CDYL: variants seen among roughly 807,000 people sequenced by gnomAD.
The protein encoded by CDYL is chromodomain Y like, also known as chromodomain Y-like protein.
Under a neutral mutation model 47.3 loss-of-function variants are expected in CDYL, and 8 were observed. That is an observed-to-expected ratio of 0.17 (90% CI 0.10 to 0.31). The LOEUF (loss-of-function observed/expected upper bound fraction) is 0.31, where lower values mean the gene tolerates loss of function less well. Among genes scored for constraint, CDYL ranks in the 10% least tolerant of loss-of-function variants. The probability of loss-of-function intolerance (pLI) is 1.00; values close to 1 mark genes in which losing one functional copy is unlikely to be tolerated. For missense variants in CDYL, 471 were observed against 701.4 expected, an observed-to-expected ratio of 0.67 and a Z score of 3.71; for synonymous variants, 266 against 265.0, an observed-to-expected ratio of 1.00 and a Z score of -0.04.
At chr6:4,895,807 A>G (rs1762265924) in intron 2 of CDYL, among the ~76,000 whole-genome samples, 1 of 152,220 alleles carries the variant, frequency 6.6e-6, no homozygotes, top group Non-Finnish European at 1.5e-5. Context: ...TATATTTCTT[A>G]TATAAGGAAG....
chr6:4,807,949 T>C (rs1455570280), intron 1 of CDYL, among the ~76,000 whole-genome samples: 1 of 152,124 alleles, frequency 6.6e-6, no homozygotes, highest in Non-Finnish European at 1.5e-5. Flanking sequence ...TAACTCTATG[T>C]ATTATAATCC....
intron 1 of CDYL, among the ~76,000 whole-genome samples, chr6:4,824,445 A>C (rs1648874265): frequency 2.0e-5 from 3 of 152,142 alleles, no homozygotes; most frequent in African/African-American, 7.2e-5. Flanking sequence ...GTAGTATTTC[A>C]TTGTGATTTT....
At chr6:4,788,266 G>A (rs1257433799) in intron 1 of CDYL, among the ~76,000 whole-genome samples, 2 of 151,756 alleles carry the variant, frequency 1.3e-5, no homozygotes, top group Non-Finnish European at 2.9e-5. Context: ...AAGGCAGGAG[G>A]ATCACTTGAG....
chr6:4,845,307 CA>C (rs1478375736), intron 1 of CDYL, among the ~76,000 whole-genome samples: 1 of 152,122 alleles, frequency 6.6e-6, no homozygotes. Flanking sequence ...CAAAACAAAA[CA>C]AAAGGTTCCA....
chr6:4,851,490 G>A (rs914906318), intron 1 of CDYL, among the ~76,000 whole-genome samples: 1 of 152,134 alleles, frequency 6.6e-6, no homozygotes, highest in Non-Finnish European at 1.5e-5. Flanking sequence ...CGACATCTGG[G>A]ACAGCTCCTC....
upstream of CDYL, among the ~76,000 whole-genome samples, chr6:4,772,450 A>G (rs913956721): frequency 6.6e-6 from 1 of 152,240 alleles, no homozygotes; most frequent in Non-Finnish European, 1.5e-5. Context: ...AGAAAAAGGT[A>G]CTGGTATCCA....
chr6:4,922,383 A>G (rs558365471), intron 2 of CDYL, among the ~76,000 whole-genome samples: 1 of 152,350 alleles, frequency 6.6e-6, no homozygotes, highest in East Asian at 1.9e-4. Flanking sequence ...ATGCATGGGC[A>G]ATGAATCCTG....
chr6:4,788,061 C>G (rs1005544218), intron 1 of CDYL, among the ~76,000 whole-genome samples: 2 of 151,888 alleles, frequency 1.3e-5, no homozygotes, highest in Admixed American at 6.6e-5. Context: ...TGTGAGCCAC[C>G]GCACCTGGTC....
intron 1 of CDYL, among the ~76,000 whole-genome samples, chr6:4,835,008 C>G (rs1252567162): frequency 1.3e-5 from 2 of 151,998 alleles, no homozygotes; most frequent in Non-Finnish European, 2.9e-5. Flanking sequence ...ACTTCTTTGC[C>G]TTTGGTTTGA....
At chr6:4,762,743 G>A (rs1418775507) in intron 3 of CDYL, among the ~76,000 whole-genome samples, 3 of 148,206 alleles carry the variant, frequency 2.0e-5, no homozygotes, top group Non-Finnish European at 4.5e-5. Flanking sequence ...AAAGTACCCA[G>A]AATGTAGTAG....
intron 3 of CDYL, among the ~76,000 whole-genome samples, chr6:4,746,268 A>G (rs1203406870): frequency 1.3e-5 from 2 of 151,616 alleles, no homozygotes; most frequent in African/African-American, 4.8e-5. Context: ...GGTGGCTGAG[A>G]CAGGAGAATC....
chr6:4,791,197 A>T (rs940670154), intron 1 of CDYL, among the ~76,000 whole-genome samples: 1 of 152,208 alleles, frequency 6.6e-6, no homozygotes, highest in African/African-American at 2.4e-5. Flanking sequence ...TTTGTCATCA[A>T]TACCACTGTT....
At chr6:4,863,972 T>C (rs1344218435) in intron 1 of CDYL, among the ~76,000 whole-genome samples, 1 of 152,104 alleles carries the variant, frequency 6.6e-6, no homozygotes, top group Non-Finnish European at 1.5e-5. Context: ...GACCTAGATA[T>C]ATTATTAGAA....
chr6:4,946,288 G>T (rs977184327), intron 5 of CDYL, among the ~76,000 whole-genome samples: 1 of 152,168 alleles, frequency 6.6e-6, no homozygotes, highest in East Asian at 1.9e-4. Context: ...CCCACCACAC[G>T]CCTCTGTCCA....
At chr6:4,941,807 C>T (rs1758367604) in intron 4 of CDYL, among the ~76,000 whole-genome samples, 1 of 152,072 alleles carries the variant, frequency 6.6e-6, no homozygotes, top group Non-Finnish European at 1.5e-5. Flanking sequence ...TAATTTATTG[C>T]CCCATCCGTG....
intron 1 of CDYL, chr6:4,889,898 C>A: frequency 1.1e-6 from 1 of 924,098 alleles, no homozygotes; most frequent in Non-Finnish European, 1.3e-6. Flanking sequence ...TTCCTCTTTG[C>A]TCAATTTCCT....
At chr6:4,862,129 G>T (rs1246183653) in intron 1 of CDYL, among the ~76,000 whole-genome samples, 1 of 152,016 alleles carries the variant, frequency 6.6e-6, no homozygotes. Context: ...GCCAGGTTCT[G>T]TTGCTGTTTT....
intron 2 of CDYL, 89 bp downstream of exon 2, chr6:4,892,468 T>G (rs946725497): frequency 5.1e-6 from 7 of 1,366,560 alleles, no homozygotes; most frequent in Non-Finnish European, 6.9e-6. Context: ...CTGGGCAGAG[T>G]CCGGGGCTTC....
At position 4,950,928 on chromosome 6, in the gene CDYL, T is replaced by C. The variant is rs544767307; in HGVS notation, c.1333-1338T>C. ...GCCTGGGCGACAGAAGGAGACTCCG[T>C]CTCAAAAAAAAAAAAAAAAACTTGC... On this transcript the variant is annotated intron_variant, in intron 5 of 6. Transcript: ENST00000397588. Among the ~76,000 whole-genome samples, 230 of 86,360 alleles carry C rather than the reference T, an allele frequency of 2.7e-3. 7 individuals are homozygous for C. The East Asian group carries it at 0.091, about 34-fold the overall frequency. The allele number at this position is 86,360 out of a possible 152,430, so 56.7% of individuals were successfully genotyped here. A position where few individuals can be genotyped will look rare whatever the true frequency, so the allele number is the denominator to read the frequency against.
Sources: allele counts gnomAD v4.1 joint callset (sites outside exome capture counted in the v4.1 genomes callset), GRCh38; gene constraint gnomAD v4.1.1; transcripts MANE v1.5; gene names NCBI Gene and HGNC (gene_info 2026-07-23, HGNC 2026-07-21).